The following AGBL1 variants were observed in gnomAD, a reference collection of about 807,000 sequenced individuals.
AGBL1 encodes AGBL carboxypeptidase 1, also known as cytosolic carboxypeptidase 4.
AGBL1 carries 130 observed loss-of-function variants against 118.9 expected under a neutral mutation model. The observed-to-expected ratio is 1.09, with a 90% CI of 0.95 to 1.26. AGBL1 has a LOEUF of 1.26. AGBL1 is among the 50% of genes most tolerant of loss of function. The pLI is 0.00. For missense variants in AGBL1, 1,584 were observed against 1,298.1 expected, an observed-to-expected ratio of 1.22 and a Z score of -3.38; for synonymous variants, 555 against 478.9, an observed-to-expected ratio of 1.16 and a Z score of -2.08.
At chr15:86,643,838 T>C (rs951632004) in intron 21 of AGBL1, among the ~76,000 whole-genome samples, 5 of 152,248 alleles carry the variant, frequency 3.3e-5, no homozygotes, top group African/African-American at 1.2e-4. Flanking sequence ...AATAGTTTAC[T>C]ATTTTGTTAT....
intron 17 of AGBL1, among the ~76,000 whole-genome samples, chr15:86,383,441 A>G (rs2081140533): frequency 6.6e-6 from 1 of 151,692 alleles, no homozygotes; most frequent in East Asian, 1.9e-4. Flanking sequence ...TGCAAAAATT[A>G]GTCGGGCATG....
intron 22 of AGBL1, among the ~76,000 whole-genome samples, chr15:86,837,575 C>T (rs1450373688): frequency 6.6e-6 from 1 of 152,128 alleles, no homozygotes; most frequent in African/African-American, 2.4e-5. Context: ...TGCTGTCTGA[C>T]CCTTTACAGA....
intron 18 of AGBL1, among the ~76,000 whole-genome samples, chr15:86,482,617 G>A (rs903995442): frequency 3.3e-5 from 5 of 151,962 alleles, no homozygotes; most frequent in East Asian, 1.9e-4. Context: ...TGTGAAGACC[G>A]TCTACTTGAA....
At chr15:86,257,080 A>C (rs977702333) in intron 8 of AGBL1, 62 bp downstream of exon 8, 2 of 1,506,368 alleles carry the variant, frequency 1.3e-6, no homozygotes, top group African/African-American at 2.8e-5. Context: ...CATGTTTCCC[A>C]GGAACATGGG....
At chr15:86,267,924 C>T (rs1269615813) in intron 13 of AGBL1, among the ~76,000 whole-genome samples, 2 of 152,178 alleles carry the variant, frequency 1.3e-5, no homozygotes, top group African/African-American at 4.8e-5. Context: ...CACCTTCCAA[C>T]CAGGAGACTG....
At chr15:86,826,999 A>C (rs532501995) in intron 22 of AGBL1, among the ~76,000 whole-genome samples, 1 of 151,852 alleles carries the variant, frequency 6.6e-6, no homozygotes, top group South Asian at 2.1e-4. Flanking sequence ...GTGACTTTTG[A>C]TTAAAGGCAA....
chr15:87,009,499 T>A (rs2081536599), intron 24 of AGBL1, among the ~76,000 whole-genome samples: 1 of 152,088 alleles, frequency 6.6e-6, no homozygotes, highest in African/African-American at 2.4e-5. Context: ...GGAAGAGAAA[T>A]GTTGGATTGG....
At chr15:86,729,687 T>C (rs2077502554) in intron 22 of AGBL1, among the ~76,000 whole-genome samples, 1 of 152,240 alleles carries the variant, frequency 6.6e-6, no homozygotes, top group African/African-American at 2.4e-5. Context: ...GTTGAGCATC[T>C]AGGTTGACTC....
chr15:86,350,601 A>G (rs2080610713), intron 17 of AGBL1, among the ~76,000 whole-genome samples: 1 of 152,156 alleles, frequency 6.6e-6, no homozygotes, highest in Non-Finnish European at 1.5e-5. Context: ...TTTGCCTGTA[A>G]TGCATTAATA....
intron 23 of AGBL1, among the ~76,000 whole-genome samples, chr15:86,942,488 T>C (rs1222419313): frequency 6.6e-6 from 1 of 152,170 alleles, no homozygotes; most frequent in East Asian, 1.9e-4. Flanking sequence ...AAAAAGTTAA[T>C]CAGATTCTGA....
intron 22 of AGBL1, among the ~76,000 whole-genome samples, chr15:86,779,417 ATAT>A (rs2078300668): frequency 6.6e-6 from 1 of 152,216 alleles, no homozygotes; most frequent in Non-Finnish European, 1.5e-5. Context: ...CATTGTGTGA[ATAT>A]TATTTATCCA....
chr15:86,463,712 C>T (rs544924246), intron 18 of AGBL1, among the ~76,000 whole-genome samples: 2 of 152,096 alleles, frequency 1.3e-5, no homozygotes, highest in Non-Finnish European at 2.9e-5. Flanking sequence ...TTCCCCATTG[C>T]TTGTTTTTGT....
At chr15:86,158,803 G>C in intron 4 of AGBL1, 130 bp from the exon 5 acceptor site, 1 of 711,724 alleles carries the variant, frequency 1.4e-6, no homozygotes, top group Non-Finnish European at 2.4e-6. Flanking sequence ...GTGCAACCAG[G>C]GTGGAAAAGA....
intron 1 of AGBL1, among the ~76,000 whole-genome samples, chr15:86,120,768 G>A (rs537498232): frequency 2.6e-5 from 4 of 152,284 alleles, no homozygotes; most frequent in Admixed American, 2.6e-4. Context: ...AATTTCTCTA[G>A]AAATACCCCT....
chr15:86,759,362 C>T (rs1472573081), intron 22 of AGBL1, among the ~76,000 whole-genome samples: 1 of 152,008 alleles, frequency 6.6e-6, no homozygotes, highest in Non-Finnish European at 1.5e-5. Context: ...TATTTAGTTG[C>T]CCTCTTAGTC....
intron 23 of AGBL1, among the ~76,000 whole-genome samples, chr15:86,975,455 C>T (rs1183789117): frequency 1.3e-5 from 2 of 152,036 alleles, no homozygotes; most frequent in African/African-American, 2.4e-5. Flanking sequence ...GCCCCTCCCA[C>T]GACACCTGGG....
chr15:86,988,203 C>T (rs569933143), intron 24 of AGBL1: 1 of 1,318,052 alleles, frequency 7.6e-7, no homozygotes, highest in Non-Finnish European at 1.0e-6. Flanking sequence ...GGTGGGCCAA[C>T]AACAAAAAAA....
At chr15:86,847,166 A>C (rs1355396801) in intron 22 of AGBL1, among the ~76,000 whole-genome samples, 2 of 151,514 alleles carry the variant, frequency 1.3e-5, no homozygotes, top group African/African-American at 4.9e-5. Flanking sequence ...ATTTCTCTTT[A>C]TTTAAGCATA....
At chr15:86,744,004 A>G (rs2077719043) in intron 22 of AGBL1, among the ~76,000 whole-genome samples, 1 of 152,172 alleles carries the variant, frequency 6.6e-6, no homozygotes. Flanking sequence ...ATTTTTTAGA[A>G]CAATGCCATC....
Sources: gnomAD v4.1 joint callset for allele counts (sites outside exome capture counted in the v4.1 genomes callset) on GRCh38, gnomAD v4.1.1 for gene constraint, MANE v1.5 for transcripts, NCBI Gene and HGNC (gene_info 2026-07-23, HGNC 2026-07-21) for gene names.